CNTN6: variants seen among roughly 807,000 people sequenced by gnomAD.
CNTN6 encodes contactin 6, also known as contactin-6.
A neutral mutation model predicts 122.8 loss-of-function variants in CNTN6; 137 were observed. That is an observed-to-expected ratio of 1.12 (90% confidence interval 0.97 to 1.29). The LOEUF is 1.29. Among genes scored for constraint, CNTN6 ranks in the 50% most tolerant of loss-of-function variants. The probability of loss-of-function intolerance (pLI) is 0.00; values close to 1 mark genes in which losing one functional copy is unlikely to be tolerated. For synonymous variants in CNTN6, 570 were observed against 426.0 expected (o/e 1.34, Z -4.16); for missense variants, 1,634 against 1,223.4 (o/e 1.34, Z -5.01).
intron 4 of CNTN6, among the ~76,000 whole-genome samples, chr3:1,237,093 A>G (rs2094432316): frequency 6.6e-6 from 1 of 152,082 alleles, no homozygotes; most frequent in Non-Finnish European, 1.5e-5. Flanking sequence ...AAAGAAAAAA[A>G]AAGAAGCCAC....
intron 1 of CNTN6, among the ~76,000 whole-genome samples, chr3:1,094,363 A>C (rs1443193976): frequency 6.6e-6 from 1 of 152,222 alleles, no homozygotes; most frequent in East Asian, 1.9e-4. Flanking sequence ...AAAAAAAAGA[A>C]ATACAGAAGC....
intron 11 of CNTN6, among the ~76,000 whole-genome samples, chr3:1,339,406 G>C (rs542736306): frequency 1.3e-5 from 2 of 152,106 alleles, no homozygotes; most frequent in African/African-American, 4.8e-5. Flanking sequence ...CCAATTTGAC[G>C]GGCGTTGTGA....
intron 2 of CNTN6, among the ~76,000 whole-genome samples, chr3:1,194,664 A>G (rs1282639933): frequency 2.0e-5 from 3 of 151,932 alleles, no homozygotes; most frequent in African/African-American, 7.3e-5. Context: ...TTGATACTGC[A>G]TTTGTATTGT....
chr3:1,305,206 G>A (rs1192762947), intron 7 of CNTN6, among the ~76,000 whole-genome samples: 1 of 152,106 alleles, frequency 6.6e-6, no homozygotes, highest in Non-Finnish European at 1.5e-5. Flanking sequence ...ATACCATCAT[G>A]CAGACAGAAT....
intron 1 of CNTN6, among the ~76,000 whole-genome samples, chr3:1,105,021 TC>T (rs2091149704): frequency 6.6e-6 from 1 of 152,104 alleles, no homozygotes; most frequent in Non-Finnish European, 1.5e-5. Context: ...TCTGATTATT[TC>T]TTAAAAACAA....
At chr3:1,249,582 C>G (rs1183934988) in intron 4 of CNTN6, among the ~76,000 whole-genome samples, 1 of 152,196 alleles carries the variant, frequency 6.6e-6, no homozygotes, top group African/African-American at 2.4e-5. Context: ...GAGTCTCCAT[C>G]TATAGACGTG....
chr3:1,147,005 A>T (rs991050076), intron 1 of CNTN6, among the ~76,000 whole-genome samples: 2 of 152,102 alleles, frequency 1.3e-5, no homozygotes, highest in African/African-American at 2.4e-5. Flanking sequence ...AGTATAATCA[A>T]TGTTTTTGGT....
intron 4 of CNTN6, among the ~76,000 whole-genome samples, chr3:1,239,543 C>A (rs914689341): frequency 6.6e-6 from 1 of 152,076 alleles, no homozygotes; most frequent in Non-Finnish European, 1.5e-5. Context: ...CAAATAGAAA[C>A]ACATCCCATG....
At position 1,277,346 on chromosome 3, in the gene CNTN6, C is replaced by CTTTTTTTTTTTTTTTTTTTTTTT. The variant is rs10599744; in HGVS notation, c.359-1058_359-1036dup. ...CTACTTCTGTCTTTTAGTAGGTTTT[C>CTTTTTTTTTTTTTTTTTTTTTTT]TTTTTTTTTTTTTTTTTTTTTTTTT... On this transcript the variant is annotated intron_variant, in intron 4 of 22. Transcript: ENST00000446702. Among the ~76,000 whole-genome samples, 16 of 80,192 alleles carry CTTTTTTTTTTTTTTTTTTTTTTT rather than the reference C, an allele frequency of 2.0e-4. 3 individuals carry two copies. Among genetic ancestry groups the CTTTTTTTTTTTTTTTTTTTTTTT allele is most frequent in the East Asian group, 3.7e-4 (1 of 2,678 alleles). 52.6% of individuals were successfully genotyped at this position (80,192 alleles called of 152,430 possible). A position where few individuals can be genotyped will look rare whatever the true frequency, so the allele number is the denominator to read the frequency against.
intron 11 of CNTN6, among the ~76,000 whole-genome samples, chr3:1,348,155 G>GAAAAAAAAAAAAAAAAA (rs1457391939): frequency 1.8e-4 from 4 of 21,976 alleles, no homozygotes; most frequent in Admixed American, 4.8e-4. Flanking sequence ...CTATGCTATA[G>GAAAAAAAAAAAAAAAAA]ACAAAAAAAA....
rs201394766 is a variant in CNTN6 at position 1,202,543 on chromosome 3, AAAATAAATAAATAAAT to A, written c.56-18114_56-18099del. 5.2e-3 allele frequency among the ~76,000 whole-genome samples: 660 copies of A among 126,568 alleles called. 5 individuals are homozygous for A. The highest frequency in any genetic ancestry group is 0.017 in the African/African-American group (551 of 33,236). The allele number at this position is 126,568 out of a possible 152,430, so 83.0% of individuals were successfully genotyped here. ...GCGACAGAGCCAGACTCCGTCTCAA[AAAATAAATAAATAAAT>A]AAATAAATAAATAAATAAATAAATA... is the stretch of plus-strand genomic sequence containing the variant. On this transcript the variant is annotated intron_variant, in intron 2 of 22. Coordinates refer to ENST00000446702, the MANE Select transcript of CNTN6 (RefSeq NM_001289080.2).
intron 2 of CNTN6, among the ~76,000 whole-genome samples, chr3:1,156,820 C>T (rs1396013798): frequency 5.9e-5 from 9 of 151,992 alleles, no homozygotes; most frequent in African/African-American, 2.2e-4. Context: ...TAGGCTTAAA[C>T]AATCCTCCTA....
intron 1 of CNTN6, among the ~76,000 whole-genome samples, chr3:1,115,602 A>T (rs115537350): frequency 0.02 from 2,979 of 152,176 alleles, 109 homozygotes; most frequent in African/African-American, 0.069. Flanking sequence ...CCAAAAAAAA[A>T]TTAGCCGGGC....
At chr3:1,350,267 G>C (rs1433128891) in intron 11 of CNTN6, among the ~76,000 whole-genome samples, 2 of 151,668 alleles carry the variant, frequency 1.3e-5, no homozygotes, top group Non-Finnish European at 2.9e-5. Context: ...TAAACACATG[G>C]AATATCTTTA....
intron 4 of CNTN6, among the ~76,000 whole-genome samples, chr3:1,248,076 T>C (rs1353733277): frequency 1.3e-5 from 2 of 152,216 alleles, no homozygotes; most frequent in Non-Finnish European, 2.9e-5. Context: ...TCACAACCTG[T>C]AACTGACTCC....
At chr3:1,151,356 G>A (rs1260766350) in intron 2 of CNTN6, among the ~76,000 whole-genome samples, 2 of 152,098 alleles carry the variant, frequency 1.3e-5, no homozygotes, top group Admixed American at 6.5e-5. Flanking sequence ...AATATCCTCT[G>A]GGGAACTGTT....
At chr3:1,131,026 A>C (rs959741018) in intron 1 of CNTN6, among the ~76,000 whole-genome samples, 1 of 152,140 alleles carries the variant, frequency 6.6e-6, no homozygotes, top group South Asian at 2.1e-4. Context: ...TCTCACAGCT[A>C]TCAGGTTGTT....
intron 1 of CNTN6, among the ~76,000 whole-genome samples, chr3:1,116,486 G>A (rs7625400): frequency 1 from 151,881 of 152,298 alleles, 75,733 homozygotes; most frequent in East Asian, 1. Context: ...AGCAAAAGTT[G>A]TTTACAATGA....
At chr3:1,240,277 C>T (rs184203867) in intron 4 of CNTN6, among the ~76,000 whole-genome samples, 8 of 152,214 alleles carry the variant, frequency 5.3e-5, no homozygotes, top group East Asian at 3.9e-4. Context: ...ATTTATCCAA[C>T]GAATGACTGA....
Sources: gnomAD v4.1 joint callset for allele counts (sites outside exome capture counted in the v4.1 genomes callset) on GRCh38, gnomAD v4.1.1 for gene constraint, MANE v1.5 for transcripts, NCBI Gene and HGNC (gene_info 2026-07-23, HGNC 2026-07-21) for gene names.